CUX2: variants seen among roughly 807,000 people sequenced by gnomAD.
The protein encoded by CUX2 is homeobox protein cut-like 2.
CUX2 carries 40 observed loss-of-function variants against 144.8 expected under a neutral mutation model. The observed-to-expected ratio is 0.28, with a 90% CI of 0.21 to 0.36. The LOEUF (loss-of-function observed/expected upper bound fraction) is 0.36. CUX2 is among the 10% of genes least tolerant of loss of function. The pLI, the probability that CUX2 is intolerant of heterozygous loss-of-function variation, is 1.00. For synonymous variants in CUX2, 827 were observed against 875.6 expected, an observed-to-expected ratio of 0.94 and a Z score of 0.98; for missense variants, 1,615 against 1,994.0, an observed-to-expected ratio of 0.81 and a Z score of 3.62.
At chr12:111,130,949 CACCTATTGCCATGCATGTTCCCCAG>C (rs1371369160) in intron 1 of CUX2, among the ~76,000 whole-genome samples, 1 of 152,226 alleles carries the variant, frequency 6.6e-6, no homozygotes, top group African/African-American at 2.4e-5. Flanking sequence ...CATTATCCCA[CACCTATTGCCATGCATGTTCCCCAG>C]ATTTCTATCT....
At chr12:111,070,922 T>G (rs1439427362) in intron 1 of CUX2, among the ~76,000 whole-genome samples, 2 of 152,352 alleles carry the variant, frequency 1.3e-5, no homozygotes, top group East Asian at 3.9e-4. Flanking sequence ...TTCTTCCATG[T>G]GTTTTCCTGG....
chr12:111,168,911 C>T (rs888455561), intron 1 of CUX2, among the ~76,000 whole-genome samples: 21 of 152,058 alleles, frequency 1.4e-4, no homozygotes, highest in Admixed American at 5.9e-4. Flanking sequence ...ATGTTATAGT[C>T]GCTCAGAGTA....
intron 1 of CUX2, among the ~76,000 whole-genome samples, chr12:111,054,442 A>T (rs1870427408): frequency 6.6e-6 from 1 of 152,236 alleles, no homozygotes; most frequent in African/African-American, 2.4e-5. Context: ...GCCATTCCAG[A>T]TAATGGGCAG....
chr12:111,172,349 C>A (rs1878592968), intron 1 of CUX2, among the ~76,000 whole-genome samples: 1 of 152,202 alleles, frequency 6.6e-6, no homozygotes, highest in South Asian at 2.1e-4. Context: ...ACCAGCCACC[C>A]ATTAGCGAGG....
intron 1 of CUX2, among the ~76,000 whole-genome samples, chr12:111,151,515 C>T (rs1268927489): frequency 6.6e-6 from 1 of 152,152 alleles, no homozygotes; most frequent in Non-Finnish European, 1.5e-5. Context: ...TGATATACAG[C>T]ACTGACAGGG....
At chr12:111,311,603 A>AT (rs369788655) in intron 15 of CUX2, among the ~76,000 whole-genome samples, 1,656 of 131,006 alleles carry the variant, frequency 0.013, 32 homozygotes, top group African/African-American at 0.036. Context: ...TATTATTATT[A>AT]TTTTTTTTTT....
rs941223545 is a variant in CUX2 at position 111,037,782 on chromosome 12, C to CT, written c.63+3553dup. On this transcript the variant is annotated intron_variant, in intron 1 of 21. Transcript: ENST00000261726. The surrounding 1 kb of genome is among the most constrained non-coding windows in gnomAD (Gnocchi z 5.4). ...TTTTCTTTTTCTGCTTAACTTTCTA[C>CT]TTTTTTTTTTTACCATGCTCTGGGT... is the stretch of plus-strand genomic sequence containing the variant. Among the ~76,000 whole-genome samples the CT allele has an allele frequency of 2.1e-3, 307 of 147,756 alleles. 1 individual carries two copies. Among genetic ancestry groups the CT allele is most frequent in the Admixed American group, 3.6e-3 (54 of 14,828 alleles).
At chr12:111,082,348 C>A (rs1002650800) in intron 1 of CUX2, among the ~76,000 whole-genome samples, 1 of 152,122 alleles carries the variant, frequency 6.6e-6, no homozygotes, top group Non-Finnish European at 1.5e-5. Flanking sequence ...TAGAGTCAGT[C>A]CAAATAAAAG....
At chr12:111,175,028 C>A (rs186414286) in intron 1 of CUX2, among the ~76,000 whole-genome samples, 18 of 152,290 alleles carry the variant, frequency 1.2e-4, no homozygotes, top group South Asian at 4.1e-4. Flanking sequence ...AGCTCCCCCC[C>A]ACACACAGAA....
chr12:111,164,161 G>A (rs777647576), intron 1 of CUX2, among the ~76,000 whole-genome samples: 1 of 152,104 alleles, frequency 6.6e-6, no homozygotes, highest in African/African-American at 2.4e-5. Flanking sequence ...AGACTCTCTG[G>A]GGGTTTTCCT....
intron 2 of CUX2, among the ~76,000 whole-genome samples, chr12:111,215,848 A>G (rs1251255013): frequency 6.6e-6 from 1 of 152,196 alleles, no homozygotes; most frequent in Non-Finnish European, 1.5e-5. Flanking sequence ...CCCCCAGGTG[A>G]TGAGGGAAAT....
intron 1 of CUX2, among the ~76,000 whole-genome samples, chr12:111,091,371 C>T (rs1234971653): frequency 2.0e-5 from 3 of 152,208 alleles, no homozygotes; most frequent in East Asian, 1.9e-4. Flanking sequence ...GGAGGAGACA[C>T]AGCTGGGGTT....
At chr12:111,066,202 A>C (rs1871012154) in intron 1 of CUX2, among the ~76,000 whole-genome samples, 1 of 152,166 alleles carries the variant, frequency 6.6e-6, no homozygotes, top group African/African-American at 2.4e-5. Flanking sequence ...TAGCAGTCTG[A>C]GTGAGTTCCC....
At chr12:111,051,240 C>T (rs1870248901) in intron 1 of CUX2, among the ~76,000 whole-genome samples, 1 of 152,098 alleles carries the variant, frequency 6.6e-6, no homozygotes, top group South Asian at 2.1e-4. Context: ...TGGTCACTGC[C>T]CTCTGTTCTT....
chr12:111,328,435 G>A (rs1044603013), intron 18 of CUX2, among the ~76,000 whole-genome samples: 6 of 152,174 alleles, frequency 3.9e-5, no homozygotes, highest in African/African-American at 9.7e-5. Flanking sequence ...GCTACCTACC[G>A]TGGCAGCATC....
chr12:111,137,390 T>A (rs1316043923), intron 1 of CUX2, among the ~76,000 whole-genome samples: 1 of 152,210 alleles, frequency 6.6e-6, no homozygotes, highest in Non-Finnish European at 1.5e-5. Context: ...TTGTTGTTGA[T>A]GTTGTTAAAT....
At chr12:111,038,578 C>T (rs1869575907) in intron 1 of CUX2, among the ~76,000 whole-genome samples, 1 of 152,270 alleles carries the variant, frequency 6.6e-6, no homozygotes, top group Non-Finnish European at 1.5e-5. Context: ...AACCCACACC[C>T]TGTGGCCCTT....
intron 1 of CUX2, among the ~76,000 whole-genome samples, chr12:111,121,200 A>G (rs919368201): frequency 6.6e-6 from 1 of 151,702 alleles, no homozygotes; most frequent in Non-Finnish European, 1.5e-5. Context: ...CATTAATAAT[A>G]TAGTCCTCGC....
intron 1 of CUX2, among the ~76,000 whole-genome samples, chr12:111,110,206 C>CA (rs1207615265): frequency 6.6e-6 from 1 of 152,132 alleles, no homozygotes; most frequent in Non-Finnish European, 1.5e-5. Flanking sequence ...TCTTTGAGGT[C>CA]AGAGACGCCC....
Sources: gnomAD v4.1 joint callset for allele counts (sites outside exome capture counted in the v4.1 genomes callset) on GRCh38, gnomAD v4.1.1 for gene constraint, Gnocchi (gnomAD v3.1) non-coding constraint, MANE v1.5 for transcripts, NCBI Gene and HGNC (gene_info 2026-07-23, HGNC 2026-07-21) for gene names.